SATL1: variants seen among roughly 807,000 people sequenced by gnomAD.
The protein encoded by SATL1 is spermidine/spermine N1-acetyl transferase like 1.
SATL1 carries 47 observed loss-of-function variants against 51.8 expected under a neutral mutation model. That is an observed-to-expected ratio of 0.91 (90% CI 0.72 to 1.16). The LOEUF (loss-of-function observed/expected upper bound fraction) is 1.16, where lower values mean the gene tolerates loss of function less well. Ranked by LOEUF, SATL1 falls within the 50% of genes most tolerant of loss-of-function variation. The pLI is 0.00. For missense variants in SATL1, 520 were observed against 526.4 expected (o/e 0.99, Z 0.12); for synonymous variants, 176 against 182.4 (o/e 0.97, Z 0.28).
At chrX:85,118,930 A>G (rs1204665189) in intron 2 of SATL1, among the ~76,000 whole-genome samples, 1 of 111,622 alleles carries the variant, frequency 9.0e-6, no homozygotes, top group Non-Finnish European at 1.9e-5. Flanking sequence ...GCAAACAAAT[A>G]TTGGCATATA....
At chrX:85,187,258 A>G (rs907497226) in intron 2 of SATL1, among the ~76,000 whole-genome samples, 5 of 111,596 alleles carry the variant, frequency 4.5e-5, no homozygotes, top group African/African-American at 1.6e-4. Flanking sequence ...TTCTCTCTAT[A>G]TAAAAGACCA....
intron 2 of SATL1, among the ~76,000 whole-genome samples, chrX:85,138,208 A>AT (rs1926011336): frequency 8.9e-6 from 1 of 111,788 alleles, no homozygotes; most frequent in Non-Finnish European, 1.9e-5. Flanking sequence ...ATGCTTTGTA[A>AT]TTTTTTACAT....
chrX:85,205,925 T>G (rs1163824417), intron 2 of SATL1, among the ~76,000 whole-genome samples: 1 of 111,724 alleles, frequency 9.0e-6, no homozygotes, highest in East Asian at 2.8e-4. Context: ...CTTCGAGGTC[T>G]GTTTTATAAA....
At chrX:85,221,259 G>A (rs1928172133) in intron 2 of SATL1, among the ~76,000 whole-genome samples, 1 of 111,602 alleles carries the variant, frequency 9.0e-6, no homozygotes, top group African/African-American at 3.3e-5. Context: ...ATGTGTTTGT[G>A]TGTTACTGTG....
At chrX:85,142,423 G>C (rs1014275392) in intron 2 of SATL1, among the ~76,000 whole-genome samples, 1 of 106,819 alleles carries the variant, frequency 9.4e-6, no homozygotes, top group Non-Finnish European at 1.9e-5. Context: ...AATTGAAGTA[G>C]AGTTGTTGAA....
intron 2 of SATL1, among the ~76,000 whole-genome samples, chrX:85,177,972 T>C (rs945714720): frequency 9.0e-6 from 1 of 111,719 alleles, no homozygotes; most frequent in African/African-American, 3.2e-5. Context: ...CATCTTCAGA[T>C]GGGAAAGCAG....
chrX:85,222,936 T>C (rs947848944), intron 2 of SATL1, among the ~76,000 whole-genome samples: 2 of 112,215 alleles, frequency 1.8e-5, no homozygotes, highest in African/African-American at 6.5e-5. Context: ...TAGAAGTCTC[T>C]AGTAGCTAAG....
At chrX:85,219,538 G>A (rs567829823) in intron 2 of SATL1, 1 of 112,035 alleles carries the variant, frequency 8.9e-6, no homozygotes, top group Non-Finnish European at 1.9e-5. Context: ...ATGCATAAAC[G>A]ATTGATTGAA....
intron 4 of SATL1, among the ~76,000 whole-genome samples, chrX:85,097,179 CAT>C (rs1370984367): frequency 4.5e-5 from 5 of 110,920 alleles, no homozygotes; most frequent in African/African-American, 1.6e-4. Context: ...ACTGACTTTT[CAT>C]ATATGTGAGT....
intron 2 of SATL1, among the ~76,000 whole-genome samples, chrX:85,173,515 A>G (rs1210720539): frequency 1.8e-5 from 2 of 109,227 alleles, no homozygotes; most frequent in Non-Finnish European, 3.8e-5. Context: ...TATGATATTA[A>G]ATGTTTTATT....
Position 85,133,549 on chromosome X carries a change from A to T in SATL1, c.-312-24269T>A, listed in dbSNP as rs62609416. ...GGCAGTGTCCTGATTTTCCCAGTACAGTCTGTCACAGCTTCCCTTGGCTAG... is the reference window on the plus strand; with the variant it reads ...GGCAGTGTCCTGATTTTCCCAGTACTGTCTGTCACAGCTTCCCTTGGCTAG... On this transcript the variant is annotated intron_variant, in intron 2 of 7. Transcript: ENST00000644105. 4.9e-3 allele frequency among the ~76,000 whole-genome samples: 551 copies of T among 112,294 alleles called. 1 individual carries two copies. The highest frequency in any genetic ancestry group is 0.032 in the Middle Eastern group (7 of 216).
At chrX:85,137,507 G>A (rs1010955739) in intron 2 of SATL1, among the ~76,000 whole-genome samples, 5 of 110,634 alleles carry the variant, frequency 4.5e-5, no homozygotes, top group African/African-American at 9.9e-5. Context: ...AACTATCACC[G>A]TCTCTCTTTG....
At chrX:85,184,006 A>C (rs1181105845) in intron 2 of SATL1, among the ~76,000 whole-genome samples, 1 of 111,315 alleles carries the variant, frequency 9.0e-6, no homozygotes, top group Non-Finnish European at 1.9e-5. Flanking sequence ...AGCTATTTTA[A>C]TTTTTAGCTT....
chrX:85,093,400 G>A (rs923760634), intron 6 of SATL1, 175 bp from the exon 7 acceptor site: 3 of 432,212 alleles, frequency 6.9e-6, no homozygotes, highest in Middle Eastern at 7.0e-4. Context: ...TTGGAATGAC[G>A]TACCAAAGGT....
intron 2 of SATL1, among the ~76,000 whole-genome samples, chrX:85,150,903 C>T (rs972926112): frequency 9.1e-6 from 1 of 110,368 alleles, no homozygotes; most frequent in Non-Finnish European, 1.9e-5. Flanking sequence ...TGAAAACTGG[C>T]ACAAGACAGG....
At chrX:85,124,485 G>C (rs1222973294) in intron 2 of SATL1, among the ~76,000 whole-genome samples, 7 of 111,934 alleles carry the variant, frequency 6.3e-5, no homozygotes, top group African/African-American at 2.3e-4. Context: ...TACATATAAA[G>C]TGTTTAGCAT....
At chrX:85,163,928 A>T in intron 2 of SATL1, among the ~76,000 whole-genome samples, 1 of 111,888 alleles carries the variant, frequency 8.9e-6, no homozygotes, top group East Asian at 2.8e-4. Flanking sequence ...CATTTTATAA[A>T]TCTGGGACCT....
chrX:85,125,519 A>AGTGTGT (rs72067285), intron 2 of SATL1, among the ~76,000 whole-genome samples: 40,118 of 98,141 alleles, frequency 0.41, 6,911 homozygotes, highest in Middle Eastern at 0.65. Context: ...CACATAGGAA[A>AGTGTGT]GTGTGTGTGT....
At chrX:85,232,234 A>C (rs374370167) in intron 1 of SATL1, among the ~76,000 whole-genome samples, 1 of 109,654 alleles carries the variant, frequency 9.1e-6, no homozygotes, top group East Asian at 2.9e-4. Flanking sequence ...GGCAAGATGA[A>C]TCATCTGCTG....
Sources: gnomAD v4.1 joint callset for allele counts (sites outside exome capture counted in the v4.1 genomes callset) on GRCh38, gnomAD v4.1.1 for gene constraint, MANE v1.5 for transcripts, NCBI Gene and HGNC (gene_info 2026-07-23, HGNC 2026-07-21) for gene names.